The following ALK variants were observed in gnomAD, a reference collection of about 807,000 sequenced individuals.
The protein encoded by ALK is ALK receptor tyrosine kinase.
A neutral mutation model predicts 163.1 loss-of-function variants in ALK; 74 were observed. The observed-to-expected ratio is 0.45, with a 90% CI of 0.38 to 0.55. The LOEUF (loss-of-function observed/expected upper bound fraction) is 0.55, where lower values mean the gene tolerates loss of function less well. Among genes scored for constraint, ALK ranks in the 20% least tolerant of loss-of-function variants. The probability of loss-of-function intolerance (pLI) is 0.00; values close to 1 mark genes in which losing one functional copy is unlikely to be tolerated. For missense variants in ALK, 2,063 were observed against 2,105.3 expected (o/e 0.98, Z 0.39); for synonymous variants, 960 against 843.2 (o/e 1.14, Z -2.40).
intron 4 of ALK, among the ~76,000 whole-genome samples, chr2:29,453,566 A>C (rs973523177): frequency 6.6e-6 from 1 of 152,128 alleles, no homozygotes; most frequent in Non-Finnish European, 1.5e-5. Context: ...TTTTGAAAAA[A>C]ATACAAGTTT....
intron 1 of ALK, among the ~76,000 whole-genome samples, chr2:29,848,028 A>G (rs1053882814): frequency 2.6e-5 from 4 of 152,206 alleles, no homozygotes; most frequent in South Asian, 2.1e-4. Context: ...AAATCCCCCC[A>G]TAAGTGGCAG....
At position 29,233,711 on chromosome 2, in the gene ALK, AG is replaced by A. The variant is rs752838625; in HGVS notation, c.2356-16del. ...AACTGGTTTGTCTGTAGAAACAAAA[AG>A]CACGTTAGGTTTGTGGCCAAACCAG... On this transcript the variant is annotated splice_polypyrimidine_tract_variant and intron_variant, in intron 13 of 28. Coordinates refer to ENST00000389048, the MANE Select transcript of ALK (RefSeq NM_004304.5). 5 of 1,614,140 alleles carry A rather than the reference AG, an allele frequency of 3.1e-6. No homozygotes were observed. The African/African-American group carries it at 5.3e-5, about 17-fold the overall frequency.
intron 3 of ALK, among the ~76,000 whole-genome samples, chr2:29,592,029 G>A (rs954948876): frequency 4.6e-5 from 7 of 152,074 alleles, no homozygotes; most frequent in Non-Finnish European, 1.0e-4. Context: ...GAAGGCTGGG[G>A]GTATTGTCAC....
chr2:29,586,632 A>C (rs972348758), intron 3 of ALK, among the ~76,000 whole-genome samples: 1 of 152,220 alleles, frequency 6.6e-6, no homozygotes, highest in Non-Finnish European at 1.5e-5. Flanking sequence ...CCTGGGAAAT[A>C]GGAACACTTT....
chr2:29,470,203 A>G (rs1477931736), intron 4 of ALK, among the ~76,000 whole-genome samples: 1 of 152,030 alleles, frequency 6.6e-6, no homozygotes, highest in Non-Finnish European at 1.5e-5. Flanking sequence ...TAGGAAGAAG[A>G]AAAAAAAGAC....
At chr2:29,506,967 ACTC>A (rs1672344241) in intron 4 of ALK, among the ~76,000 whole-genome samples, 1 of 152,150 alleles carries the variant, frequency 6.6e-6, no homozygotes, top group Admixed American at 6.5e-5. Context: ...CATCATGGTA[ACTC>A]CTTAGAAAAT....
chr2:29,232,694 G>C (rs61347841), intron 14 of ALK, among the ~76,000 whole-genome samples: 151 of 152,316 alleles, frequency 9.9e-4, no homozygotes, highest in African/African-American at 3.5e-3. Flanking sequence ...GCAAAATATA[G>C]ATACCAGGAG....
intron 2 of ALK, among the ~76,000 whole-genome samples, chr2:29,711,764 G>A (rs1014833205): frequency 6.6e-6 from 1 of 152,104 alleles, no homozygotes; most frequent in Non-Finnish European, 1.5e-5. Context: ...AGCCAAGGGC[G>A]ACCCCTACTT....
At chr2:29,690,440 G>A (rs1244381367) in intron 3 of ALK, among the ~76,000 whole-genome samples, 2 of 152,176 alleles carry the variant, frequency 1.3e-5, no homozygotes, top group Non-Finnish European at 2.9e-5. Flanking sequence ...GGGCTCTGCA[G>A]ATGGGCTGAG....
chr2:29,874,732 G>T (rs945073820), intron 1 of ALK, among the ~76,000 whole-genome samples: 5 of 152,174 alleles, frequency 3.3e-5, no homozygotes, highest in Admixed American at 1.3e-4. Context: ...GTGGATTCTT[G>T]ATTCAAAGGG....
intron 24 of ALK, among the ~76,000 whole-genome samples, chr2:29,210,731 G>A (rs1669443264): frequency 1.3e-5 from 2 of 152,180 alleles, no homozygotes; most frequent in South Asian, 4.1e-4. Context: ...AAGCCATTAT[G>A]GTTCTTTTGT....
chr2:29,788,229 T>C (rs1664093847), intron 1 of ALK, among the ~76,000 whole-genome samples: 1 of 152,082 alleles, frequency 6.6e-6, no homozygotes, highest in Non-Finnish European at 1.5e-5. Flanking sequence ...CTTCGTGAGG[T>C]GGGTCGAGGC....
At chr2:29,746,588 G>A (rs1343105628) in intron 1 of ALK, among the ~76,000 whole-genome samples, 2 of 152,184 alleles carry the variant, frequency 1.3e-5, no homozygotes, top group Admixed American at 6.5e-5. Context: ...TGGCTCTCAT[G>A]CCACCTCCAG....
chr2:29,255,448 C>T (rs1664926534), intron 11 of ALK, among the ~76,000 whole-genome samples: 1 of 152,128 alleles, frequency 6.6e-6, no homozygotes, highest in African/African-American at 2.4e-5. Context: ...GAAGGCAATA[C>T]TTGAAACATT....
At chr2:29,572,336 C>T (rs28726299) in intron 3 of ALK, among the ~76,000 whole-genome samples, 29,339 of 152,146 alleles carry the variant, frequency 0.19, 3,211 homozygotes, top group Middle Eastern at 0.27. Flanking sequence ...CATGGTCGGC[C>T]ACCGTTTAAA....
chr2:29,245,817 C>G lies in ALK; in HGVS notation c.2204+5288G>C, dbSNP rs73920751. On this transcript the variant is annotated intron_variant, in intron 12 of 28. Transcript: ENST00000389048. ...CTCAGTGCCCTGCACATAGTAGGGG[C>G]TCTATGGCTCAGTGCCTTGCACACA... 1.4e-3 allele frequency among the ~76,000 whole-genome samples: 210 copies of G among 151,286 alleles called. 1 individual carries two copies. The highest frequency in any genetic ancestry group is 4.9e-3 in the African/African-American group (203 of 41,160).
At chr2:29,457,693 T>A (rs1016057567) in intron 4 of ALK, among the ~76,000 whole-genome samples, 1 of 152,144 alleles carries the variant, frequency 6.6e-6, no homozygotes, top group Non-Finnish European at 1.5e-5. Flanking sequence ...CATATAGAGA[T>A]AAATAAAACC....
intron 3 of ALK, among the ~76,000 whole-genome samples, chr2:29,648,352 C>T (rs1676945081): frequency 6.6e-6 from 1 of 152,094 alleles, no homozygotes; most frequent in South Asian, 2.1e-4. Context: ...ATATACATAA[C>T]ATAAAATTTA....
rs13427866 is a variant in ALK at position 29,772,626 on chromosome 2, G to A, written c.668-54929C>T. ...CAAGTGTATTATTTACAGAAGTCTA[G>A]CTGTATGCCCCCCTAAAACAGCTGA... On this transcript the variant is annotated intron_variant, in intron 1 of 28. Transcript: ENST00000389048. Among the ~76,000 whole-genome samples, 786 of 152,292 alleles carry A rather than the reference G, an allele frequency of 5.2e-3. 6 individuals are homozygous for A. Among genetic ancestry groups the A allele is most frequent in the African/African-American group, 0.018 (750 of 41,554 alleles).
Sources: gnomAD v4.1 joint callset for allele counts (sites outside exome capture counted in the v4.1 genomes callset) on GRCh38, gnomAD v4.1.1 for gene constraint, MANE v1.5 for transcripts, NCBI Gene and HGNC (gene_info 2026-07-23, HGNC 2026-07-21) for gene names.